The following CFAP43 variants were observed in gnomAD, a reference collection of about 807,000 sequenced individuals.
CFAP43 encodes cilia- and flagella-associated protein 43.
In CFAP43, 155 loss-of-function variants were observed where a neutral mutation model predicts 218.9. That is an observed-to-expected ratio of 0.71 (90% CI 0.62 to 0.81). The LOEUF (loss-of-function observed/expected upper bound fraction) is 0.81, where lower values mean the gene tolerates loss of function less well. Ranked by LOEUF, CFAP43 falls within the 30% of genes least tolerant of loss-of-function variation. The pLI, the probability that CFAP43 is intolerant of heterozygous loss-of-function variation, is 0.00. For synonymous variants in CFAP43, 645 were observed against 681.3 expected, an observed-to-expected ratio of 0.95 and a Z score of 0.83; for missense variants, 1,778 against 1,954.3, an observed-to-expected ratio of 0.91 and a Z score of 1.70.
At chr10:104,214,214 A>C in intron 4 of CFAP43, 45 bp downstream of exon 4, 1 of 1,515,378 alleles carries the variant, frequency 6.6e-7, no homozygotes, top group South Asian at 1.4e-5. Flanking sequence ...ACACGAATGC[A>C]AACAAAGACC....
rs2090419820 is a variant in CFAP43 at position 104,197,782 on chromosome 10, C to T, written c.1212+140G>A. ...TGTCTGGCATCTCCACCACAGTCTT[C>T]AAGGACAGCCTCTGCCTCCTGTTCG... On this transcript the variant is annotated intron_variant, in intron 9 of 37. Coordinates refer to ENST00000357060, the MANE Select transcript of CFAP43 (RefSeq NM_025145.7). The T allele has an allele frequency of 5.1e-6, 3 of 583,784 alleles. No homozygotes were observed. The East Asian group carries it at 9.0e-5, about 18-fold the overall frequency. The allele number at this position is 583,784 out of a possible 1,614,324, so 36.2% of individuals were successfully genotyped here. A position where few individuals can be genotyped will look rare whatever the true frequency, so the allele number is the denominator to read the frequency against.
chr10:104,180,276 TCTTAATA>T (rs1308725792), intron 17 of CFAP43, among the ~76,000 whole-genome samples: 1 of 152,116 alleles, frequency 6.6e-6, no homozygotes, highest in Non-Finnish European at 1.5e-5. Context: ...CTTTTTGAAG[TCTTAATA>T]CTTAACACAA....
At chr10:104,138,290 A>G (rs1414317308) in intron 34 of CFAP43, among the ~76,000 whole-genome samples, 1 of 152,242 alleles carries the variant, frequency 6.6e-6, no homozygotes, top group Non-Finnish European at 1.5e-5. Context: ...GTTGAGGGAC[A>G]TTCCACAAAA....
intron 20 of CFAP43, 27 bp downstream of exon 20, chr10:104,172,383 T>C (rs749436259): frequency 6.3e-7 from 1 of 1,598,278 alleles, no homozygotes; most frequent in South Asian, 1.2e-5. Context: ...CATAACTTTA[T>C]GGTGCTTAAA....
At chr10:104,220,991 T>TGTGTGTGTGTG (rs1353303478) in intron 3 of CFAP43, among the ~76,000 whole-genome samples, 1 of 146,306 alleles carries the variant, frequency 6.8e-6, no homozygotes, top group African/African-American at 2.5e-5. Flanking sequence ...TGTGTGTGTG[T>TGTGTGTGTGTG]TTGAGACGGA....
At chr10:104,137,883 G>A (rs767600594) in intron 34 of CFAP43, among the ~76,000 whole-genome samples, 1 of 152,084 alleles carries the variant, frequency 6.6e-6, no homozygotes, top group Non-Finnish European at 1.5e-5. Flanking sequence ...TGTATTAATT[G>A]CCACTGACTT....
intron 12 of CFAP43, 79 bp from the exon 13 acceptor site, chr10:104,188,489 C>T (rs964685748): frequency 1.3e-6 from 2 of 1,521,770 alleles, no homozygotes; most frequent in Middle Eastern, 2.4e-4. Flanking sequence ...ATTAAGATAT[C>T]ATCCATGGAC....
At position 104,164,082 on chromosome 10, in the gene CFAP43, G is replaced by T; in HGVS notation, c.3246+12C>A. 1 of 1,613,746 alleles carries T rather than the reference G, an allele frequency of 6.2e-7. No homozygotes were observed. Among genetic ancestry groups the T allele is most frequent in the African/African-American group, 1.3e-5 (1 of 75,030 alleles). ...GAGAAAGAAGGGAAAGGAGAACACA[G>T]CTAGCCAGTACCTCCTCATCTTGCA... On this transcript the variant is annotated intron_variant, in intron 24 of 37. Coordinates refer to ENST00000357060, the MANE Select transcript of CFAP43 (RefSeq NM_025145.7).
At chr10:104,163,318 C>T (rs1027633400) in intron 24 of CFAP43, among the ~76,000 whole-genome samples, 20 of 152,244 alleles carry the variant, frequency 1.3e-4, no homozygotes, top group Admixed American at 4.6e-4. Context: ...TAGGGCACCA[C>T]GAATGGTGCC....
intron 4 of CFAP43, among the ~76,000 whole-genome samples, chr10:104,212,852 A>G (rs972009452): frequency 2.6e-5 from 4 of 152,300 alleles, no homozygotes; most frequent in African/African-American, 9.6e-5. Flanking sequence ...ATTTTGAAAA[A>G]CAATCACATA....
intron 17 of CFAP43, among the ~76,000 whole-genome samples, chr10:104,180,678 C>T (rs2089803938): frequency 6.6e-6 from 1 of 152,094 alleles, no homozygotes; most frequent in African/African-American, 2.4e-5. Flanking sequence ...ATCTCCTAAC[C>T]TCGTGATATG....
intron 7 of CFAP43, among the ~76,000 whole-genome samples, chr10:104,204,315 T>C (rs775087399): frequency 2.0e-5 from 3 of 149,962 alleles, no homozygotes; most frequent in Admixed American, 1.3e-4. Flanking sequence ...AAGTATCCAA[T>C]AGAAACGGGT....
At chr10:104,145,379 T>A (rs966963087) in intron 31 of CFAP43, 97 bp downstream of exon 31, 2 of 700,458 alleles carry the variant, frequency 2.9e-6, no homozygotes, top group Non-Finnish European at 4.8e-6. Flanking sequence ...CACTGAATAA[T>A]TCCATTTAAT....
intron 34 of CFAP43, among the ~76,000 whole-genome samples, chr10:104,139,089 C>T (rs1459663907): frequency 2.0e-5 from 3 of 152,134 alleles, no homozygotes; most frequent in African/African-American, 7.2e-5. Flanking sequence ...AGATATTTTG[C>T]CTTTGATGGG....
chr10:104,230,800 CG>C lies in CFAP43; in HGVS notation c.108del (p.Asn36LysfsTer13). On this transcript the variant is annotated frameshift_variant, in exon 2 of 38. Coordinates refer to ENST00000357060, the MANE Select transcript of CFAP43 (RefSeq NM_025145.7). LOFTEE classifies it high-confidence loss of function. ...GFPKQNVHFV[N>X]DNTICYPCGN... ...CCACAAGGGTAGCAAATGGTGTTGT[CG>C]TTGACAAAATGAACATTCTGCTTAG... The C allele has an allele frequency of 6.2e-7, 1 of 1,613,372 alleles. No individual in the cohort carries two copies. The highest frequency in any genetic ancestry group is 8.5e-7 in the Non-Finnish European group (1 of 1,179,900).
chr10:104,145,573 A>C lies in CFAP43; in HGVS notation c.3856-9T>G. 6.3e-7 allele frequency: 1 copy of C among 1,582,646 alleles called. No homozygotes were observed. The highest frequency in any genetic ancestry group is 8.6e-7 in the Non-Finnish European group (1 of 1,156,616). On this transcript the variant is annotated splice_polypyrimidine_tract_variant and intron_variant, in intron 30 of 37. Coordinates refer to ENST00000357060, the MANE Select transcript of CFAP43 (RefSeq NM_025145.7). ...AAGCTGCGATCCATAACCTAAGGAC[A>C]AACATGACATTTGAGGACTGCAACT...
At chr10:104,166,956 A>G (rs963456571) in intron 22 of CFAP43, among the ~76,000 whole-genome samples, 1 of 152,198 alleles carries the variant, frequency 6.6e-6, no homozygotes, top group Non-Finnish European at 1.5e-5. Context: ...GGTGTGTAAT[A>G]TTTATATCTT....
At chr10:104,183,418 T>C (rs1268511280) in intron 16 of CFAP43, among the ~76,000 whole-genome samples, 1 of 148,812 alleles carries the variant, frequency 6.7e-6, no homozygotes, top group Non-Finnish European at 1.5e-5. Flanking sequence ...AGTCTCGCTC[T>C]GTCGCCCAGG....
chr10:104,205,170 G>A (rs1327695135), intron 7 of CFAP43, among the ~76,000 whole-genome samples: 37 of 129,416 alleles, frequency 2.9e-4, no homozygotes, highest in African/African-American at 1.0e-3. Context: ...CCGAGATCGC[G>A]CCACTGTACT....
Sources: gnomAD v4.1 joint callset for allele counts (sites outside exome capture counted in the v4.1 genomes callset) on GRCh38, gnomAD v4.1.1 for gene constraint, MANE v1.5 for transcripts, NCBI Gene and HGNC (gene_info 2026-07-23, HGNC 2026-07-21) for gene names.